The following KRT13 variants were observed in gnomAD, a reference collection of about 807,000 sequenced individuals.
KRT13 encodes keratin, type I cytoskeletal 13.
In KRT13, 27 loss-of-function variants were observed where a neutral mutation model predicts 40.6. The observed-to-expected ratio is 0.67, with a 90% confidence interval of 0.49 to 0.92. The LOEUF is 0.92. KRT13 is among the 40% of genes least tolerant of loss of function. The pLI is 0.00. For missense variants in KRT13, 605 were observed against 611.5 expected, an observed-to-expected ratio of 0.99 and a Z score of 0.11; for synonymous variants, 266 against 240.3, an observed-to-expected ratio of 1.11 and a Z score of -0.99.
In KRT13 at chr17:41,505,079, T is replaced by C. The variant is rs1247822045; in HGVS notation, c.472A>G (p.Thr158Ala). ...ACCTTGTCCCGGAGCTCTTCAATGG[T>C]CTTGTAGTAGGGGCTGTAGTCCCGC... ...PERDYSPYYK[T>A]IEELRDKILT... Residue 158 changes from threonine to alanine, a missense_variant, in exon 1 of 8, where the codon ACC (threonine) becomes GCC (alanine). Physicochemically the swap from Thr to Ala is moderately conservative, Grantham distance 58 (BLOSUM62 0). Coordinates refer to ENST00000246635, the MANE Select transcript of KRT13 (RefSeq NM_153490.3). The C allele has an allele frequency of 3.7e-6, 6 of 1,614,026 alleles. No homozygotes were observed. The South Asian group carries it at 5.5e-5, about 15-fold the overall frequency.
Position 41,502,462 on chromosome 17 carries a change from G to C in KRT13, c.1156C>G (p.Gln386Glu), listed in dbSNP as rs748028479. The C allele has an allele frequency of 6.2e-7, 1 of 1,614,230 alleles. No homozygotes were observed. Among genetic ancestry groups the C allele is most frequent in the South Asian group, 1.1e-5 (1 of 91,088 alleles). Residue 386 changes from glutamine to glutamate, a missense_variant, in exon 6 of 8, where the codon CAA becomes GAA. Physicochemically the swap from Gln to Glu is conservative, Grantham distance 29 (BLOSUM62 2). Coordinates refer to ENST00000246635, the MANE Select transcript of KRT13 (RefSeq NM_153490.3). ...ELRSEMECQNQEYKMLLDIKT... is the reference protein window; with the variant it reads ...ELRSEMECQNEEYKMLLDIKT... ...ATGTCCAGCAGCATCTTGTACTCTTGGTTCTGGCACTCCATCTCACTGCGG... is the reference window on the plus strand; with the variant it reads ...ATGTCCAGCAGCATCTTGTACTCTTCGTTCTGGCACTCCATCTCACTGCGG...
At chr17:41,502,014 C>A in intron 6 of KRT13, 1 of 1,419,310 alleles carries the variant, frequency 7.0e-7, no homozygotes, top group Non-Finnish European at 9.2e-7. Context: ...ATCGCCCAAA[C>A]CCGCAACCCT....
chr17:41,501,693 C>G, intron 7 of KRT13, 26 bp downstream of exon 7: 5 of 1,571,470 alleles, frequency 3.2e-6, no homozygotes, highest in Non-Finnish European at 4.3e-6. Flanking sequence ...TCTGCCTCCC[C>G]CTACACCACG....
At chr17:41,503,575 C>A in intron 2 of KRT13, 68 bp downstream of exon 2, 1 of 1,548,908 alleles carries the variant, frequency 6.5e-7, no homozygotes, top group South Asian at 1.1e-5. Context: ...TGTCATTGGT[C>A]AGATGAGCTT....
At chr17:41,503,854 G>C in intron 1 of KRT13, 129 bp from the exon 2 acceptor site, 1 of 743,148 alleles carries the variant, frequency 1.3e-6, no homozygotes. Context: ...ATAGCTGATG[G>C]GCTAAAAAGA....
chr17:41,501,694 CT>C, intron 7 of KRT13, 24 bp downstream of exon 7: 1 of 1,572,084 alleles, frequency 6.4e-7, no homozygotes. Flanking sequence ...CTGCCTCCCC[CT>C]ACACCACGGG....
chr17:41,503,794 T>A lies in KRT13; in HGVS notation c.496-69A>T, dbSNP rs985866074. On this transcript the variant is annotated intron_variant, in intron 1 of 7. Transcript: ENST00000246635. ...AGTCTGTTGGCTTCCCTGGGCCACA[T>A]TGGAAGAAGAATTGTCTTGGGCAAC... 3.4e-6 allele frequency: 4 copies of A among 1,185,854 alleles called. No homozygotes were observed. The Admixed American group carries it at 6.7e-5, about 20-fold the overall frequency. 73.5% of individuals were successfully genotyped at this position (1,185,854 alleles called of 1,614,324 possible).
chr17:41,503,806 T>C (rs1904962095), intron 1 of KRT13, 81 bp from the exon 2 acceptor site: 4 of 1,065,060 alleles, frequency 3.8e-6, no homozygotes, highest in Admixed American at 1.7e-5. Context: ...GGAAGAAGAA[T>C]TGTCTTGGGC....
chr17:41,505,180 G>T lies in KRT13; in HGVS notation c.371C>A (p.Ala124Asp), dbSNP rs1567714641. The change falls in exon 1 of 8, where the codon GCC becomes GAC. Residue 124 changes from alanine to aspartate, a missense_variant. Transcript: ENST00000246635. ...RLASYLEKVR[A>D]LEEANADLEV... ...CAGGTCAGCGTTGGCCTCCTCCAGG[G>T]CGCGCACCTTCTCCAGGTAGGAAGC... 6.2e-7 allele frequency: 1 copy of T among 1,614,202 alleles called. No homozygotes were observed. The highest frequency in any genetic ancestry group is 8.5e-7 in the Non-Finnish European group (1 of 1,180,030).
At chr17:41,502,113 C>A in intron 6 of KRT13, 1 of 1,428,082 alleles carries the variant, frequency 7.0e-7, no homozygotes, top group Non-Finnish European at 9.1e-7. Context: ...CTTTGTTCAG[C>A]TGAGCTGTAT....
chr17:41,501,800 A>C (rs953850574), intron 6 of KRT13, 56 bp from the exon 7 acceptor site: 1 of 1,570,488 alleles, frequency 6.4e-7, no homozygotes, highest in African/African-American at 1.3e-5. Context: ...GCAGGTGCTT[A>C]CCTGTTCCTC....
At position 41,503,047 on chromosome 17, in the gene KRT13, C is replaced by G. The variant is rs1321211939; in HGVS notation, c.787G>C (p.Asp263His). The G allele has an allele frequency of 6.2e-7, 1 of 1,614,208 alleles. No homozygotes were observed. Among genetic ancestry groups the G allele is most frequent in the African/African-American group, 1.3e-5 (1 of 75,058 alleles). Residue 263 changes from aspartate to histidine, a missense_variant, in exon 4 of 8, where the codon GAT becomes CAT. By Grantham distance (81) the Asp-to-His change is moderately conservative. Coordinates refer to ENST00000246635, the MANE Select transcript of KRT13 (RefSeq NM_153490.3). Reference sequence around the variant, plus strand: ...GTCAGGTCAATGCCTGGGGTGGCATCCATCTCCACGTTGACCTGGCCGACC... The same window carrying G: ...GTCAGGTCAATGCCTGGGGTGGCATGCATCTCCACGTTGACCTGGCCGACC... ...QVVGQVNVEMDATPGIDLTRV... is the reference protein window; with the variant it reads ...QVVGQVNVEMHATPGIDLTRV...
Position 41,502,388 on chromosome 17 carries a change from CT to C in KRT13, c.1229del (p.Glu410GlyfsTer7). On this transcript the variant is annotated frameshift_variant, in exon 6 of 8. Transcript: ENST00000246635. LOFTEE classifies it low-confidence loss of function (END_TRUNC). ...AGAGGACCTACTTGGCGTCCTGGCCCTCGAGCAGGCTGCGGTAGGTGGCGAT... is the reference window on the plus strand; with the variant it reads ...AGAGGACCTACTTGGCGTCCTGGCCCCGAGCAGGCTGCGGTAGGTGGCGAT... ...QEIATYRSLL[E>X]GQDAKMIGFP... The C allele has an allele frequency of 6.2e-7, 1 of 1,614,222 alleles. No individual in the cohort carries two copies. The highest frequency in any genetic ancestry group is 1.1e-5 in the South Asian group (1 of 91,086).
In KRT13 at chr17:41,502,763, G is replaced by A. The variant is rs753928241; in HGVS notation, c.947C>T (p.Thr316Ile). The stretch of plus-strand genomic sequence containing the variant: ...GAGCTCCGTGATCTCTGTCTTGCTG[G>A]TCTGAATCATGGCAGTGTTGGTAGA... Reference protein sequence around the residue: ...EVSTNTAMIQTSKTEITELRR... With the variant: ...EVSTNTAMIQISKTEITELRR... Residue 316 changes from threonine to isoleucine, a missense_variant, in exon 5 of 8, where the codon ACC becomes ATC. Thr to Ile is a moderately conservative substitution (Grantham distance 89). Transcript: ENST00000246635. 186 of 1,614,192 alleles carry A rather than the reference G, an allele frequency of 1.2e-4. 1 individual carries two copies. The Admixed American group carries it at 3.0e-3, about 26-fold the overall frequency.
intron 1 of KRT13, chr17:41,504,357 C>T (rs1025566088): frequency 1.3e-5 from 2 of 157,936 alleles, no homozygotes; most frequent in African/African-American, 2.4e-5. Context: ...ACATATCTCA[C>T]AATCACTTTG....
chr17:41,505,562 G>T lies in KRT13; in HGVS notation c.-12C>A. 1 of 1,614,144 alleles carries T rather than the reference G, an allele frequency of 6.2e-7. No homozygotes were observed. Among genetic ancestry groups the T allele is most frequent in the Non-Finnish European group, 8.5e-7 (1 of 1,180,038 alleles). ...AGGCGGAGGCTCATGGTGAGAGCAG[G>T]ATTGAGAGCAGGTGCAGATAGAAGC... On this transcript the variant is annotated 5_prime_UTR_variant, in exon 1 of 8. Transcript: ENST00000246635.
Position 41,505,317 on chromosome 17 carries a change from T to C in KRT13, c.234A>G (p.Gly78=). 6.2e-7 allele frequency: 1 copy of C among 1,613,440 alleles called. No homozygotes were observed. The highest frequency in any genetic ancestry group is 8.5e-7 in the Non-Finnish European group (1 of 1,179,726). The change falls in exon 1 of 8, where the codon GGA becomes GGG. Residue 78 remains glycine (G), a synonymous_variant. Transcript: ENST00000246635. ...CAGCAAAACCCCCACCAAAGCCACCTCCAAGGCCACCTCCATAGCCACCTC... is the reference window on the plus strand; with the variant it reads ...CAGCAAAACCCCCACCAAAGCCACCCCCAAGGCCACCTCCATAGCCACCTC... The part of the protein sequence containing the change: ...GLGGGYGGGL[G]GGFGGGFAGG...
At chr17:41,503,890 A>T (rs1209099695) in intron 1 of KRT13, among the ~76,000 whole-genome samples, 165 bp from the exon 2 acceptor site, 3 of 152,242 alleles carry the variant, frequency 2.0e-5, no homozygotes, top group Non-Finnish European at 1.5e-5. Flanking sequence ...AAAATAAAAA[A>T]AAACTCAATG....
chr17:41,501,152 G>T lies in KRT13; in HGVS notation c.*104C>A. On this transcript the variant is annotated 3_prime_UTR_variant, in exon 8 of 8. Transcript: ENST00000246635. ...AGGACAGGGGGTCCTGAGAGCAGAG[G>T]GACTGAGCCTTGGGTCCAGCAGCCC... 1 of 790,454 alleles carries T rather than the reference G, an allele frequency of 1.3e-6. No homozygotes were observed. 49.0% of individuals were successfully genotyped at this position (790,454 alleles called of 1,614,324 possible). A position where few individuals can be genotyped will look rare whatever the true frequency, so the allele number is the denominator to read the frequency against.
Sources: allele counts gnomAD v4.1 joint callset (sites outside exome capture counted in the v4.1 genomes callset), GRCh38; gene constraint gnomAD v4.1.1; transcripts MANE v1.5; gene names NCBI Gene and HGNC (gene_info 2026-07-23, HGNC 2026-07-21).